C11orf65: variants seen among roughly 807,000 people sequenced by gnomAD.
C11orf65 encodes protein MFI.
In C11orf65, 38 loss-of-function variants were observed where a neutral mutation model predicts 35.3. That is an observed-to-expected ratio of 1.08 (90% CI 0.83 to 1.41). C11orf65 has a LOEUF of 1.41. C11orf65 is among the 40% of genes most tolerant of loss of function. The pLI is 0.00. For missense variants in C11orf65, 370 were observed against 367.1 expected, an observed-to-expected ratio of 1.01 and a Z score of -0.06; for synonymous variants, 105 against 114.4, an observed-to-expected ratio of 0.92 and a Z score of 0.53.
chr11:108,391,544 A>G (rs2092161264), intron 7 of C11orf65, among the ~76,000 whole-genome samples: 1 of 152,022 alleles, frequency 6.6e-6, no homozygotes, highest in African/African-American at 2.4e-5. Context: ...AGGCCTGACT[A>G]ATTTTTGTAT....
chr11:108,378,167 C>T (rs1317725230), downstream of C11orf65, among the ~76,000 whole-genome samples: 11 of 152,152 alleles, frequency 7.2e-5, no homozygotes, highest in East Asian at 1.9e-4. Flanking sequence ...GGGCCCGCAT[C>T]GGCAAGTCAA....
At chr11:108,333,663 C>T in intron 3 of C11orf65, among the ~76,000 whole-genome samples, 1 of 152,150 alleles carries the variant, frequency 6.6e-6, no homozygotes, top group East Asian at 1.9e-4. Context: ...TCTAGTTACC[C>T]TTGTCAGGTA....
At position 108,364,942 on chromosome 11, in the gene C11orf65, T is replaced by TG. The variant is rs2091175519; in HGVS notation, c.226+28265dup. 7 of 893,812 alleles carry TG rather than the reference T, an allele frequency of 7.8e-6. No homozygotes were observed. The Admixed American group carries it at 1.6e-4, about 20-fold the overall frequency. 55.4% of individuals were successfully genotyped at this position (893,812 alleles called of 1,614,324 possible). On this transcript the variant is annotated intron_variant, in intron 2 of 3. Coordinates refer to the C11orf65 transcript ENST00000524755. ...CTAGGATAGTTTCCTCAAGGAAACA[T>TG]GAAGTGTGCATGATGTTTGTTCCCC...
Position 108,308,832 on chromosome 11 carries a change from T to C in C11orf65, c.*139A>G. 8.8e-6 allele frequency: 5 copies of C among 571,122 alleles called. No homozygotes were observed. In the Middle Eastern group the frequency reaches 1.3e-3, roughly 152 times the overall value. 35.4% of individuals were successfully genotyped at this position (571,122 alleles called of 1,614,324 possible). A position where few individuals can be genotyped will look rare whatever the true frequency, so the allele number is the denominator to read the frequency against. On this transcript the variant is annotated 3_prime_UTR_variant, in exon 7 of 7. Coordinates refer to the C11orf65 transcript ENST00000525729. ...AGAAGTTTTATGCTTTTCAGTGTCT[T>C]TGCTTCTGGTTATTTTACCTTAGAG... is the stretch of plus-strand genomic sequence containing the variant.
In C11orf65 at chr11:108,335,109, G is replaced by A. The variant is rs1591192550; in HGVS notation, c.299+111C>T. 3 of 1,613,980 alleles carry A rather than the reference G, an allele frequency of 1.9e-6. No individual in the cohort carries two copies. Among genetic ancestry groups the A allele is most frequent in the South Asian group, 1.1e-5 (1 of 91,082 alleles). ...GCAAGGAGAGGAGACAGCTTGTTAA[G>A]GTGAGCCTTCCCTTCTCTGGCTTAG... is the stretch of plus-strand genomic sequence containing the variant. On this transcript the variant is annotated intron_variant, in intron 3 of 3. Transcript: ENST00000524755.
intron 2 of C11orf65, among the ~76,000 whole-genome samples, chr11:108,449,743 G>A (rs1481854857): frequency 1.3e-5 from 2 of 151,794 alleles, no homozygotes; most frequent in Admixed American, 6.6e-5. Context: ...CTTCATGTCT[G>A]AAACACCAAA....
chr11:108,430,093 A>G (rs1054456108), intron 3 of C11orf65, among the ~76,000 whole-genome samples: 5 of 151,062 alleles, frequency 3.3e-5, no homozygotes, highest in Non-Finnish European at 7.4e-5. Flanking sequence ...GGTTACACAC[A>G]TTATAAATGT....
intron 3 of C11orf65, among the ~76,000 whole-genome samples, chr11:108,408,983 T>C (rs932595960): frequency 9.2e-5 from 14 of 152,068 alleles, no homozygotes; most frequent in Non-Finnish European, 1.9e-4. Flanking sequence ...TGAGATCCTG[T>C]TATAAAACAT....
At chr11:108,464,081 C>T (rs760016892) in intron 1 of C11orf65, among the ~76,000 whole-genome samples, 2 of 151,628 alleles carry the variant, frequency 1.3e-5, no homozygotes, top group Non-Finnish European at 2.9e-5. Flanking sequence ...TGTGTGCCAC[C>T]ACGCCTGGCT....
chr11:108,464,386 T>C (rs1176316678), intron 1 of C11orf65, among the ~76,000 whole-genome samples: 1 of 151,996 alleles, frequency 6.6e-6, no homozygotes, highest in Non-Finnish European at 1.5e-5. Flanking sequence ...AACCTCCGCC[T>C]CCTGGGTTCA....
At chr11:108,416,799 G>A (rs571627603) in intron 3 of C11orf65, among the ~76,000 whole-genome samples, 37 of 152,172 alleles carry the variant, frequency 2.4e-4, no homozygotes, top group African/African-American at 7.5e-4. Context: ...TTTGCTGGTC[G>A]GAATGCAAAA....
intron 3 of C11orf65, among the ~76,000 whole-genome samples, chr11:108,430,758 T>C (rs1024438900): frequency 2.6e-5 from 4 of 151,746 alleles, no homozygotes; most frequent in African/African-American, 7.3e-5. Context: ...AGCAGGAGGA[T>C]TGCTTGAGTC....
At chr11:108,437,991 C>T (rs558959072) in intron 2 of C11orf65, among the ~76,000 whole-genome samples, 92 of 152,152 alleles carry the variant, frequency 6.0e-4, no homozygotes, top group African/African-American at 2.1e-3. Flanking sequence ...GCCATACTTC[C>T]GGATTTCAAA....
At chr11:108,449,697 A>G (rs1323221681) in intron 2 of C11orf65, among the ~76,000 whole-genome samples, 6 of 152,040 alleles carry the variant, frequency 3.9e-5, no homozygotes, top group Admixed American at 1.3e-4. Flanking sequence ...AAGAAAACCT[A>G]GGCAATACCA....
rs1565563392 is a variant in C11orf65, at chr11:108,345,780, T to G, written c.227-10488A>C. The G allele has an allele frequency of 6.2e-7, 1 of 1,613,388 alleles. No individual in the cohort carries two copies. The highest frequency in any genetic ancestry group is 8.5e-7 in the Non-Finnish European group (1 of 1,179,556). On this transcript the variant is annotated intron_variant, in intron 2 of 3. Transcript: ENST00000524755. ...AAGTCTTTTGAAGAGAAATATGAAG[T>G]CTTCATGGATGTTTGCCAAAATTTT...
At chr11:108,395,185 T>C (rs2092277434) in intron 6 of C11orf65, among the ~76,000 whole-genome samples, 1 of 151,348 alleles carries the variant, frequency 6.6e-6, no homozygotes, top group Non-Finnish European at 1.5e-5. Context: ...TTGAGAGGTT[T>C]AGAAGCATAA....
intron 3 of C11orf65, among the ~76,000 whole-genome samples, chr11:108,418,434 G>C (rs981653471): frequency 2.0e-5 from 3 of 151,994 alleles, no homozygotes; most frequent in Non-Finnish European, 4.4e-5. Context: ...CTGAAATAAA[G>C]TAGAAATTTT....
chr11:108,328,151 C>T (rs1350939913), downstream of C11orf65, among the ~76,000 whole-genome samples: 22 of 152,218 alleles, frequency 1.4e-4, no homozygotes, highest in Non-Finnish European at 5.9e-5. Flanking sequence ...TTTGACTTTC[C>T]TGTTTCTCCC....
chr11:108,410,010 G>C (rs2092626166), intron 3 of C11orf65, among the ~76,000 whole-genome samples: 1 of 152,134 alleles, frequency 6.6e-6, no homozygotes, highest in Non-Finnish European at 1.5e-5. Flanking sequence ...TGTTTGGCAG[G>C]TTAGGTATAT....
Sources: allele counts gnomAD v4.1 joint callset (sites outside exome capture counted in the v4.1 genomes callset), GRCh38; gene constraint gnomAD v4.1.1; transcripts MANE v1.5; gene names NCBI Gene and HGNC (gene_info 2026-07-23, HGNC 2026-07-21).